CSMD2: variants seen among roughly 807,000 people sequenced by gnomAD.
CSMD2 encodes the protein CUB and Sushi multiple domains 2.
Under a neutral mutation model 398.5 loss-of-function variants are expected in CSMD2, and 130 were observed. The observed-to-expected ratio is 0.33, with a 90% CI of 0.28 to 0.38. The LOEUF is 0.38. CSMD2 is among the 10% of genes least tolerant of loss of function. The pLI, the probability that CSMD2 is intolerant of heterozygous loss-of-function variation, is 1.00. For missense variants in CSMD2, 3,829 were observed against 4,764.9 expected, an observed-to-expected ratio of 0.80 and a Z score of 5.78; for synonymous variants, 1,828 against 1,908.5, an observed-to-expected ratio of 0.96 and a Z score of 1.10.
At chr1:33,867,369 C>A (rs1108928) in intron 5 of CSMD2, among the ~76,000 whole-genome samples, 14 of 152,038 alleles carry the variant, frequency 9.2e-5, no homozygotes, top group Admixed American at 4.6e-4. Flanking sequence ...GAATCCTTCC[C>A]CAGTCAAGCC....
chr1:33,530,527 C>T (rs1655142161), intron 64 of CSMD2, among the ~76,000 whole-genome samples: 1 of 152,064 alleles, frequency 6.6e-6, no homozygotes, highest in Admixed American at 6.6e-5. Context: ...TTATGGAAAA[C>T]GTATGAAGGT....
intron 2 of CSMD2, among the ~76,000 whole-genome samples, chr1:34,072,934 C>A (rs1278178209): frequency 6.6e-6 from 1 of 152,150 alleles, no homozygotes; most frequent in Non-Finnish European, 1.5e-5. Flanking sequence ...TCCATAACCC[C>A]CTTCGGTGCT....
At chr1:33,663,435 C>T (rs1644206823) in intron 25 of CSMD2, among the ~76,000 whole-genome samples, 1 of 151,824 alleles carries the variant, frequency 6.6e-6, no homozygotes, top group East Asian at 1.9e-4. Flanking sequence ...TGTTACCATT[C>T]TAGGTTGGAA....
chr1:33,707,684 C>A (rs12405812), intron 22 of CSMD2, among the ~76,000 whole-genome samples: 2 of 67,454 alleles, frequency 3.0e-5, no homozygotes, highest in African/African-American at 1.3e-4. Flanking sequence ...CGCGTGCACA[C>A]GCGCGCGCGC....
chr1:33,714,803 C>G, intron 20 of CSMD2, 28 bp from the exon 21 acceptor site: 1 of 1,610,194 alleles, frequency 6.2e-7, no homozygotes. Context: ...GATCCGGGCT[C>G]AGAGACATTG....
intron 2 of CSMD2, among the ~76,000 whole-genome samples, chr1:34,053,292 A>T (rs183615630): frequency 6.6e-6 from 1 of 152,176 alleles, no homozygotes; most frequent in Non-Finnish European, 1.5e-5. Flanking sequence ...ATCAGCAGGG[A>T]CAATTAGAAT....
At chr1:33,529,169 C>A (rs950305443) in intron 64 of CSMD2, among the ~76,000 whole-genome samples, 4 of 152,142 alleles carry the variant, frequency 2.6e-5, no homozygotes, top group African/African-American at 9.7e-5. Flanking sequence ...GAGACAAAGT[C>A]TTGCTCTGTT....
chr1:34,055,405 C>T (rs1345574536), intron 2 of CSMD2, among the ~76,000 whole-genome samples: 4 of 152,118 alleles, frequency 2.6e-5, no homozygotes, highest in African/African-American at 9.7e-5. Flanking sequence ...AGGTTGAGGG[C>T]TCAGTCTCAC....
intron 19 of CSMD2, among the ~76,000 whole-genome samples, chr1:33,720,387 A>G (rs1646320097): frequency 6.6e-6 from 1 of 152,162 alleles, no homozygotes; most frequent in African/African-American, 2.4e-5. Flanking sequence ...CCAGGGGAGA[A>G]GAGCCCAACC....
In CSMD2 at chr1:34,144,926, G is replaced by A. The variant is rs192565980; in HGVS notation, c.187+19985C>T. Among the ~76,000 whole-genome samples, 4 of 152,370 alleles carry A rather than the reference G, an allele frequency of 2.6e-5. No homozygotes were observed. The South Asian group carries it at 8.3e-4, about 32-fold the overall frequency. On this transcript the variant is annotated intron_variant, in intron 1 of 70. Coordinates refer to ENST00000373381, the MANE Select transcript of CSMD2 (RefSeq NM_001281956.2). ...CAGGCCAAATAAATGCCAAGTGTCT[G>A]CTTTGGGCTGGAACTATTCCCAATC...
intron 66 of CSMD2, among the ~76,000 whole-genome samples, chr1:33,523,734 T>C (rs1246954556): frequency 1.3e-5 from 2 of 152,224 alleles, no homozygotes; most frequent in Non-Finnish European, 2.9e-5. Context: ...CACTAATGCA[T>C]AGATAGTTCA....
chr1:33,848,641 T>G (rs1638460977), intron 5 of CSMD2, among the ~76,000 whole-genome samples: 1 of 152,194 alleles, frequency 6.6e-6, no homozygotes, highest in South Asian at 2.1e-4. Context: ...AACTGAATTC[T>G]TACTAAATGA....
At chr1:33,602,159 C>T (rs1030865520) in intron 43 of CSMD2, among the ~76,000 whole-genome samples, 2 of 152,246 alleles carry the variant, frequency 1.3e-5, no homozygotes, top group African/African-American at 4.8e-5. Context: ...AGCCACTGCC[C>T]TCCCATTCCT....
At chr1:33,795,757 G>A (rs1283736751) in intron 10 of CSMD2, among the ~76,000 whole-genome samples, 2 of 152,232 alleles carry the variant, frequency 1.3e-5, no homozygotes, top group South Asian at 2.1e-4. Flanking sequence ...ATGAACTCCT[G>A]GAGGGCAGGG....
At chr1:33,832,467 A>C (rs1393650599) in intron 6 of CSMD2, among the ~76,000 whole-genome samples, 1 of 144,680 alleles carries the variant, frequency 6.9e-6, no homozygotes, top group African/African-American at 2.6e-5. Context: ...ACAAAGACAC[A>C]ACATACCAGA....
intron 38 of CSMD2, among the ~76,000 whole-genome samples, chr1:33,617,249 G>A (rs1432157068): frequency 6.6e-6 from 1 of 152,214 alleles, no homozygotes; most frequent in Admixed American, 6.5e-5. Flanking sequence ...CCTTCAAAGG[G>A]AAATTAAATT....
intron 3 of CSMD2, among the ~76,000 whole-genome samples, chr1:34,022,039 A>G (rs1648961028): frequency 6.6e-6 from 1 of 152,200 alleles, no homozygotes; most frequent in African/African-American, 2.4e-5. Context: ...TTAGAGTCAA[A>G]GAAATATGGT....
rs373064006 is a variant in CSMD2 at position 34,147,366 on chromosome 1, G to A, written c.187+17545C>T. On this transcript the variant is annotated intron_variant, in intron 1 of 70. Transcript: ENST00000373381. ...CAAATGTTAAGTGGGAAGGAGTGATGGGCAGTGTCAGACGCTGAAGAGGGG... is the reference window on the plus strand; with the variant it reads ...CAAATGTTAAGTGGGAAGGAGTGATAGGCAGTGTCAGACGCTGAAGAGGGG... Among the ~76,000 whole-genome samples the A allele has an allele frequency of 4.6e-5, 7 of 152,300 alleles. No individual in the cohort carries two copies. The East Asian group carries it at 1.4e-3, about 29-fold the overall frequency.
chr1:33,976,517 G>T (rs1570690788), intron 3 of CSMD2, among the ~76,000 whole-genome samples: 2 of 152,160 alleles, frequency 1.3e-5, no homozygotes, highest in African/African-American at 4.8e-5. Flanking sequence ...GACCCAGGGA[G>T]GTTCACGGAA....
Sources: allele counts gnomAD v4.1 joint callset (sites outside exome capture counted in the v4.1 genomes callset), GRCh38; gene constraint gnomAD v4.1.1; transcripts MANE v1.5; gene names NCBI Gene and HGNC (gene_info 2026-07-23, HGNC 2026-07-21).